NDFIP2: variants seen among roughly 807,000 people sequenced by gnomAD.
NDFIP2 encodes Nedd4 family interacting protein 2, also known as NEDD4 family-interacting protein 2.
A neutral mutation model predicts 36.0 loss-of-function variants in NDFIP2; 19 were observed. The ratio of observed to expected loss-of-function variants is 0.53; its 90% CI spans 0.37 to 0.77. The LOEUF (loss-of-function observed/expected upper bound fraction) is 0.77, where lower values mean the gene tolerates loss of function less well. Among genes scored for constraint, NDFIP2 ranks in the 30% least tolerant of loss-of-function variants. The probability of loss-of-function intolerance (pLI) is 0.00; values close to 1 mark genes in which losing one functional copy is unlikely to be tolerated. For synonymous variants in NDFIP2, 181 were observed against 167.7 expected (o/e 1.08, Z -0.61); for missense variants, 446 against 435.8 (o/e 1.02, Z -0.21).
chr13:79,548,774 T>G (rs1875787276), intron 6 of NDFIP2, among the ~76,000 whole-genome samples: 1 of 152,090 alleles, frequency 6.6e-6, no homozygotes, highest in African/African-American at 2.4e-5. Context: ...TTTTTGATCA[T>G]GGAAACATTC....
At chr13:79,482,093 G>A (rs1446433629) in intron 1 of NDFIP2, among the ~76,000 whole-genome samples, 3 of 145,268 alleles carry the variant, frequency 2.1e-5, no homozygotes, top group Non-Finnish European at 4.5e-5. Flanking sequence ...TTGTCATTTT[G>A]TCCTTTTCCA....
At chr13:79,498,762 C>G (rs933427285) in intron 1 of NDFIP2, among the ~76,000 whole-genome samples, 1 of 151,990 alleles carries the variant, frequency 6.6e-6, no homozygotes, top group African/African-American at 2.4e-5. Context: ...GAGATTACAC[C>G]TCTCAACATT....
Position 79,553,480 on chromosome 13 carries a change from C to G in NDFIP2, c.*967C>G, listed in dbSNP as rs959721916. On this transcript the variant is annotated 3_prime_UTR_variant, in exon 8 of 8. Coordinates refer to ENST00000218652, the MANE Select transcript of NDFIP2 (RefSeq NM_019080.3). ...AGTTAATTTTCTAAATAAGATAATT[C>G]TCATTTGTGTTTGTCTTTTAAAAGG... is the stretch of plus-strand genomic sequence containing the variant. 7 of 151,260 alleles carry G rather than the reference C, an allele frequency of 4.6e-5. No homozygotes were observed. The highest frequency in any genetic ancestry group is 8.9e-5 in the Non-Finnish European group (6 of 67,420). 9.4% of individuals were successfully genotyped at this position (151,260 alleles called of 1,614,324 possible). A position where few individuals can be genotyped will look rare whatever the true frequency, so the allele number is the denominator to read the frequency against.
chr13:79,486,028 A>G (rs779559289), intron 1 of NDFIP2, among the ~76,000 whole-genome samples: 22 of 152,208 alleles, frequency 1.4e-4, no homozygotes, highest in Non-Finnish European at 2.9e-4. Context: ...ACACCACATG[A>G]TATCACAAGT....
chr13:79,542,883 C>CT (rs113529957), intron 4 of NDFIP2, among the ~76,000 whole-genome samples: 115 of 144,902 alleles, frequency 7.9e-4, no homozygotes, highest in East Asian at 1.6e-3. Flanking sequence ...CTTTTTTTTC[C>CT]TTTTTTTTTT....
chr13:79,548,835 A>G (rs1306243386), intron 6 of NDFIP2, among the ~76,000 whole-genome samples: 2 of 152,042 alleles, frequency 1.3e-5, no homozygotes. Context: ...GCCAGGCATA[A>G]GGAAAGGCTT....
At chr13:79,490,608 G>T (rs1873188328) in intron 1 of NDFIP2, among the ~76,000 whole-genome samples, 1 of 152,134 alleles carries the variant, frequency 6.6e-6, no homozygotes, top group Non-Finnish European at 1.5e-5. Flanking sequence ...GAACAAATGG[G>T]CTGTGTTCCA....
intron 1 of NDFIP2, among the ~76,000 whole-genome samples, chr13:79,500,537 C>T (rs1054529745): frequency 2.0e-5 from 3 of 151,930 alleles, no homozygotes; most frequent in Non-Finnish European, 4.4e-5. Flanking sequence ...ACCTCACCAC[C>T]GAAGATATAC....
intron 1 of NDFIP2, among the ~76,000 whole-genome samples, chr13:79,515,504 T>C (rs982686456): frequency 1.3e-5 from 2 of 152,236 alleles, no homozygotes; most frequent in African/African-American, 4.8e-5. Context: ...TGTCATATGC[T>C]AGCTCCCACT....
chr13:79,513,031 G>A (rs1323393568), intron 1 of NDFIP2, among the ~76,000 whole-genome samples: 1 of 152,186 alleles, frequency 6.6e-6, no homozygotes, highest in African/African-American at 2.4e-5. Flanking sequence ...TAATTTACAT[G>A]AATATTAAAA....
At chr13:79,522,063 C>T (rs762509236) in intron 2 of NDFIP2, among the ~76,000 whole-genome samples, 2 of 152,064 alleles carry the variant, frequency 1.3e-5, no homozygotes, top group African/African-American at 2.4e-5. Context: ...CTCCTGACCT[C>T]GTGATCCACC....
rs1875090783 is a variant in NDFIP2, at chr13:79,533,326, C to G, written c.491C>G (p.Thr164Arg). 6.3e-7 allele frequency: 1 copy of G among 1,595,876 alleles called. No homozygotes were observed. Among genetic ancestry groups the G allele is most frequent in the Non-Finnish European group, 8.5e-7 (1 of 1,173,902 alleles). The part of the protein sequence containing the change: ...ITVEVPTTSD[T>R]EVYGEFYPVP... ...TCTTTTTGAATTCTTTCTTCAGATA[C>G]AGAAGTTTACGGTGAGTTTTATCCC... The change falls in exon 3 of 8, where the codon ACA (threonine) becomes AGA (arginine). Residue 164 changes from threonine (T) to arginine (R), a missense_variant. Transcript: ENST00000218652.
At chr13:79,493,498 A>G (rs990863327) in intron 1 of NDFIP2, among the ~76,000 whole-genome samples, 4 of 152,192 alleles carry the variant, frequency 2.6e-5, no homozygotes, top group Non-Finnish European at 2.9e-5. Flanking sequence ...TGGTCTACCC[A>G]TGGAAAAGAG....
intron 1 of NDFIP2, among the ~76,000 whole-genome samples, chr13:79,489,222 A>G (rs1320317740): frequency 1.3e-5 from 2 of 152,100 alleles, no homozygotes; most frequent in African/African-American, 2.4e-5. Flanking sequence ...TTGGGTTGGA[A>G]TTTCCAAGAT....
chr13:79,528,190 G>T (rs1278865290), intron 2 of NDFIP2, among the ~76,000 whole-genome samples: 1 of 152,048 alleles, frequency 6.6e-6, no homozygotes, highest in Non-Finnish European at 1.5e-5. Flanking sequence ...AGACTGGGAA[G>T]TTGAGGCTGA....
At chr13:79,521,798 C>A (rs1422263149) in intron 2 of NDFIP2, among the ~76,000 whole-genome samples, 2 of 149,876 alleles carry the variant, frequency 1.3e-5, no homozygotes, top group Non-Finnish European at 3.0e-5. Flanking sequence ...TACATGCTTA[C>A]TCCTTTTATT....
At chr13:79,550,960 A>T in intron 6 of NDFIP2, 57 bp from the exon 7 acceptor site, 1 of 1,008,438 alleles carries the variant, frequency 9.9e-7, no homozygotes, top group Admixed American at 2.6e-5. Context: ...CTTTAAATTT[A>T]TCTTGCCCTT....
chr13:79,540,690 C>T (rs1258759956), intron 4 of NDFIP2, among the ~76,000 whole-genome samples: 4 of 152,230 alleles, frequency 2.6e-5, no homozygotes, highest in South Asian at 4.2e-4. Flanking sequence ...TGAGTTGTCA[C>T]TTTTGAGTCT....
At chr13:79,546,634 A>G (rs969151109) in intron 5 of NDFIP2, among the ~76,000 whole-genome samples, 7 of 152,162 alleles carry the variant, frequency 4.6e-5, no homozygotes, top group African/African-American at 1.7e-4. Context: ...GCATTTCTTT[A>G]TCCTTTTTAC....
Sources: gnomAD v4.1 joint callset for allele counts (sites outside exome capture counted in the v4.1 genomes callset) on GRCh38, gnomAD v4.1.1 for gene constraint, MANE v1.5 for transcripts, NCBI Gene and HGNC (gene_info 2026-07-23, HGNC 2026-07-21) for gene names.